Variants in GBA1 observed in about 807,000 individuals in gnomAD.
The protein encoded by GBA1 is glucosylceramidase beta 1, also known as lysosomal acid glucosylceramidase.
chr1:155,235,372 A>G, the GBA1 span: 2 of 1,600,338 alleles, frequency 1.2e-6, no homozygotes, highest in East Asian at 4.5e-5. Flanking sequence ...CCCTCATCTA[A>G]GAAGTCACCC....
the GBA1 span, among the ~76,000 whole-genome samples, chr1:155,243,794 A>G: frequency 2.0e-5 from 3 of 149,728 alleles, no homozygotes; most frequent in African/African-American, 7.4e-5. Flanking sequence ...TTTTTTTTTG[A>G]GACGGAGTAT....
the GBA1 span, among the ~76,000 whole-genome samples, chr1:155,241,720 G>A: frequency 3.3e-5 from 5 of 152,134 alleles, no homozygotes; most frequent in Non-Finnish European, 7.4e-5. Flanking sequence ...GGGACCATTC[G>A]TGGGTGGGGA....
At chr1:155,239,923 C>G in the GBA1 span, 6 of 1,614,138 alleles carry the variant, frequency 3.7e-6, no homozygotes, top group Non-Finnish European at 5.1e-6. Flanking sequence ...GCCCCATACT[C>G]AGCTCCATCC....
the GBA1 span, chr1:155,238,043 T>C: frequency 3.6e-6 from 5 of 1,377,326 alleles, no homozygotes; most frequent in Non-Finnish European, 5.2e-6. Flanking sequence ...CAGGCAGATC[T>C]GGAAGTGGAA....
chr1:155,238,290 C>T, the GBA1 span: 159 of 1,587,510 alleles, frequency 1.0e-4, no homozygotes, highest in East Asian at 2.9e-3. Context: ...CTGCAGGGCT[C>T]GGTGAATCAG....
the GBA1 span, among the ~76,000 whole-genome samples, chr1:155,243,165 C>T: frequency 5.3e-5 from 8 of 152,174 alleles, no homozygotes; most frequent in Admixed American, 3.3e-4. Flanking sequence ...TAAGTATCCT[C>T]GTAGATAGCC....
At chr1:155,237,639 G>T in the GBA1 span, 4 of 1,600,374 alleles carry the variant, frequency 2.5e-6, no homozygotes, top group Non-Finnish European at 3.4e-6. Flanking sequence ...AGCTGGGTGT[G>T]GTGGCTCACA....
chr1:155,239,866 G>T, the GBA1 span: 1 of 1,614,112 alleles, frequency 6.2e-7, no homozygotes, highest in Non-Finnish European at 8.5e-7. Flanking sequence ...GGCCCAGGGG[G>T]TGAGGGGTGT....
the GBA1 span, among the ~76,000 whole-genome samples, chr1:155,241,883 C>G: frequency 6.6e-6 from 1 of 152,286 alleles, no homozygotes; most frequent in Admixed American, 6.5e-5. Flanking sequence ...CTTGTTTCAT[C>G]ATCAGATGCA....
the GBA1 span, chr1:155,244,141 T>G: frequency 6.6e-6 from 1 of 152,312 alleles, no homozygotes; most frequent in Non-Finnish European, 1.5e-5. Flanking sequence ...GGCTCACGCC[T>G]ATAATCACAG....
chr1:155,242,813 G>C, the GBA1 span, among the ~76,000 whole-genome samples: 1 of 151,878 alleles, frequency 6.6e-6, no homozygotes, highest in African/African-American at 2.4e-5. Flanking sequence ...GGCTGGTCTC[G>C]AACCCCTGAC....
At chr1:155,237,268 C>G in the GBA1 span, 3 of 1,611,316 alleles carry the variant, frequency 1.9e-6, no homozygotes, top group Non-Finnish European at 2.5e-6. Flanking sequence ...AGAAATCGCT[C>G]TAAGTTTGGG....
At chr1:155,239,365 A>C in the GBA1 span, among the ~76,000 whole-genome samples, 1 of 152,138 alleles carries the variant, frequency 6.6e-6, no homozygotes, top group Non-Finnish European at 1.5e-5. Flanking sequence ...CCCTGTCTCT[A>C]CTAAAAATAC....
chr1:155,239,075 G>A, the GBA1 span, among the ~76,000 whole-genome samples: 1 of 151,798 alleles, frequency 6.6e-6, no homozygotes, highest in Non-Finnish European at 1.5e-5. Context: ...AAAATTAGCC[G>A]GGCGTGGTGG....
chr1:155,238,207 C>T, the GBA1 span: 1 of 1,614,160 alleles, frequency 6.2e-7, no homozygotes, highest in Non-Finnish European at 8.5e-7. Flanking sequence ...TTCCCATTCA[C>T]CGCTCCATTG....
chr1:155,239,990 G>A, the GBA1 span: 6 of 1,614,052 alleles, frequency 3.7e-6, no homozygotes, highest in South Asian at 1.1e-5. Context: ...AGGAAAGGTC[G>A]GGGGGTCAAA....
At chr1:155,239,078 C>T in the GBA1 span, among the ~76,000 whole-genome samples, 1 of 151,518 alleles carries the variant, frequency 6.6e-6, no homozygotes, top group African/African-American at 2.4e-5. Flanking sequence ...ATTAGCCGGG[C>T]GTGGTGGCAG....
At chr1:155,241,216 C>T in the GBA1 span, 1 of 1,077,094 alleles carries the variant, frequency 9.3e-7, no homozygotes, top group Non-Finnish European at 1.4e-6. Flanking sequence ...CCTGCCTTAG[C>T]TATAGGCACT....
chr1:155,244,140 C>T, the GBA1 span: 1 of 152,240 alleles, frequency 6.6e-6, no homozygotes, highest in Non-Finnish European at 1.5e-5. Context: ...TGGCTCACGC[C>T]TATAATCACA....
Sources: allele counts gnomAD v4.1 joint callset (sites outside exome capture counted in the v4.1 genomes callset), GRCh38; gene constraint gnomAD v4.1.1; transcripts MANE v1.5; gene names NCBI Gene and HGNC (gene_info 2026-07-23, HGNC 2026-07-21).